Variants in CYP4F3 observed in about 807,000 individuals in gnomAD.
The protein encoded by CYP4F3 is cytochrome P450 4F3.
CYP4F3 carries 50 observed loss-of-function variants against 54.8 expected under a neutral mutation model. The ratio of observed to expected loss-of-function variants is 0.91; its 90% CI spans 0.73 to 1.16. CYP4F3 has a LOEUF of 1.16. Ranked by LOEUF, CYP4F3 falls within the 50% of genes most tolerant of loss-of-function variation. The pLI is 0.00. For synonymous variants in CYP4F3, 244 were observed against 262.6 expected, an observed-to-expected ratio of 0.93 and a Z score of 0.69; for missense variants, 715 against 676.2, an observed-to-expected ratio of 1.06 and a Z score of -0.64.
In CYP4F3 at chr19:15,647,342, A is replaced by T. The variant is rs1384932630; in HGVS notation, c.525+18A>T. On this transcript the variant is annotated intron_variant, in intron 5 of 12. Transcript: ENST00000221307. Reference sequence around the variant, plus strand: ...TCATGCATGTGAGTTATTTGAAGCCAAGGTCCCAGCTGCAGCCTTTGGTTG... The same window carrying T: ...TCATGCATGTGAGTTATTTGAAGCCTAGGTCCCAGCTGCAGCCTTTGGTTG... 3 of 1,614,012 alleles carry T rather than the reference A, an allele frequency of 1.9e-6. No homozygotes were observed. In the South Asian group the frequency reaches 3.3e-5, roughly 18 times the overall value.
chr19:15,658,729 C>G lies in CYP4F3; in HGVS notation c.1317C>G (p.Val439=). 1 of 1,614,118 alleles carries G rather than the reference C, an allele frequency of 6.2e-7. No individual in the cohort carries two copies. The highest frequency in any genetic ancestry group is 8.5e-7 in the Non-Finnish European group (1 of 1,180,014). ...ACCCTTCTTGGTCTCGCCTCCAGGT[C>G]TATGACCCCTTTCGCTTTGACCCAA... ...HNPAVWPDPE[V]YDPFRFDPKN... The change falls in exon 12 of 13, where the codon GTC becomes GTG. Residue 439 remains valine (V), a splice_region_variant and synonymous_variant. Transcript: ENST00000221307.
intron 1 of CYP4F3, among the ~76,000 whole-genome samples, 163 bp downstream of exon 1, chr19:15,641,108 G>T (rs1220842544): frequency 6.6e-6 from 1 of 152,146 alleles, no homozygotes; most frequent in African/African-American, 2.4e-5. Context: ...GAGGATGAGT[G>T]GTTTTCTAAC....
chr19:15,648,240 G>A (rs1363898961), intron 5 of CYP4F3, among the ~76,000 whole-genome samples: 1 of 152,068 alleles, frequency 6.6e-6, no homozygotes, highest in Admixed American at 6.5e-5. Context: ...TACTACTCAT[G>A]ACACAGAGAG....
chr19:15,656,297 TATATAC>T (rs1302860957), intron 9 of CYP4F3, among the ~76,000 whole-genome samples: 1 of 152,018 alleles, frequency 6.6e-6, no homozygotes, highest in African/African-American at 2.4e-5. Context: ...TATATATATA[TATATAC>T]ACCACATGGA....
Position 15,658,306 on chromosome 19 carries a change from G to C in CYP4F3, c.1158G>C (p.Lys386Asn). The change falls in exon 10 of 13, where the codon AAG becomes AAC. Residue 386 changes from lysine (K) to asparagine (N), a missense_variant. Lys to Asn is a moderately conservative substitution (Grantham distance 94). Coordinates refer to ENST00000221307, the MANE Select transcript of CYP4F3 (RefSeq NM_000896.3). ...TGCCCTTCCTGACCATGTGCATTAA[G>C]GAGAGCCTGAGGCTGCATCCCCCAG... is the stretch of plus-strand genomic sequence containing the variant. ...AQLPFLTMCI[K>N]ESLRLHPPVP... The C allele has an allele frequency of 1.2e-6, 2 of 1,614,164 alleles. No individual in the cohort carries two copies. The highest frequency in any genetic ancestry group is 8.5e-7 in the Non-Finnish European group (1 of 1,180,026).
rs146797714 is a variant in CYP4F3, at chr19:15,647,104, G to A, written c.396G>A (p.Leu132=). Residue 132 remains leucine, a splice_region_variant and synonymous_variant, in exon 4 of 13, where the codon CTG becomes CTA. Transcript: ENST00000221307. ...TCTACAGCTTCCTGAAGCCCTGGCT[G>A]GGTGAGTATCTGTAGGTGAACAGGG... The part of the protein sequence containing the change: ...KVFYSFLKPW[L]GDGLLLSAGE... 1.9e-6 allele frequency: 3 copies of A among 1,613,924 alleles called. No individual in the cohort carries two copies. In the East Asian group the frequency reaches 6.7e-5, roughly 36 times the overall value.
chr19:15,654,358 A>G (rs529202855), intron 9 of CYP4F3, among the ~76,000 whole-genome samples: 1 of 152,322 alleles, frequency 6.6e-6, no homozygotes, highest in East Asian at 1.9e-4. Context: ...CATTGCCTGA[A>G]ATATTTGTCT....
intron 1 of CYP4F3, chr19:15,641,214 G>C: frequency 3.3e-6 from 2 of 607,796 alleles, no homozygotes; most frequent in East Asian, 2.8e-5. Flanking sequence ...GTGCTTACCG[G>C]GTAACTGGAG....
At chr19:15,645,628 C>A in intron 2 of CYP4F3, 91 bp from the exon 3 acceptor site, 1 of 1,481,948 alleles carries the variant, frequency 6.7e-7, no homozygotes, top group Non-Finnish European at 9.1e-7. Flanking sequence ...GCTTGAAATT[C>A]TCAGGGAGAG....
At position 15,659,261 on chromosome 19, in the gene CYP4F3, T is replaced by A. The variant is rs1973126485; in HGVS notation, c.1439T>A (p.Val480Glu). Residue 480 changes from valine (V) to glutamate (E), a missense_variant, in exon 13 of 13, where the codon GTG (valine) becomes GAG (glutamate). Transcript: ENST00000221307. Reference sequence around the variant, plus strand: ...GCGTTCGCGATGGCGGAGATGAAGGTGGTCCTGGGGCTCACGCTGCTGCGC... The same window carrying A: ...GCGTTCGCGATGGCGGAGATGAAGGAGGTCCTGGGGCTCACGCTGCTGCGC... ...GQAFAMAEMK[V>E]VLGLTLLRFR... 6.2e-7 allele frequency: 1 copy of A among 1,612,684 alleles called. No individual in the cohort carries two copies. The highest frequency in any genetic ancestry group is 8.5e-7 in the Non-Finnish European group (1 of 1,179,774).
At chr19:15,646,423 T>C (rs1972626944) in intron 3 of CYP4F3, among the ~76,000 whole-genome samples, 1 of 152,138 alleles carries the variant, frequency 6.6e-6, no homozygotes, top group African/African-American at 2.4e-5. Context: ...TTGTAGTATG[T>C]TTGGGTCATA....
intron 9 of CYP4F3, among the ~76,000 whole-genome samples, chr19:15,654,734 C>G (rs1330321843): frequency 3.3e-5 from 5 of 152,236 alleles, no homozygotes; most frequent in Admixed American, 3.3e-4. Context: ...ATACACACTA[C>G]ATTTTCTTTA....
At chr19:15,654,332 G>A (rs890444870) in intron 9 of CYP4F3, among the ~76,000 whole-genome samples, 2 of 152,104 alleles carry the variant, frequency 1.3e-5, no homozygotes, top group South Asian at 4.2e-4. Context: ...GATCAAATCA[G>A]TGTACTTGGG....
chr19:15,649,077 G>C, intron 5 of CYP4F3, 83 bp from the exon 6 acceptor site: 1 of 1,585,158 alleles, frequency 6.3e-7, no homozygotes, highest in South Asian at 1.1e-5. Flanking sequence ...CTTATTCTGG[G>C]GCGTGCATAT....
In CYP4F3 at chr19:15,659,117, A is replaced by G. The variant is rs562694784; in HGVS notation, c.1398-103A>G. 7.1e-6 allele frequency: 10 copies of G among 1,411,866 alleles called. No individual in the cohort carries two copies. The African/African-American group carries it at 1.5e-4, about 20-fold the overall frequency. The allele number at this position is 1,411,866 out of a possible 1,614,324, so 87.5% of individuals were successfully genotyped here. A position where few individuals can be genotyped will look rare whatever the true frequency, so the allele number is the denominator to read the frequency against. The stretch of plus-strand genomic sequence containing the variant: ...CGGATACCCCCTTCTCTGTTCCTCA[A>G]ACTGCTCTAGGTGGGGTTGGGTGTC... On this transcript the variant is annotated intron_variant, in intron 12 of 12. Transcript: ENST00000221307.
Position 15,659,131 on chromosome 19 carries a change from G to C in CYP4F3, c.1398-89G>C, listed in dbSNP as rs1403834773. On this transcript the variant is annotated intron_variant, in intron 12 of 12. Transcript: ENST00000221307. ...TCTGTTCCTCAAACTGCTCTAGGTG[G>C]GGTTGGGTGTCCCAGGCCAGGTTAC... is the stretch of plus-strand genomic sequence containing the variant. 16 of 1,389,214 alleles carry C rather than the reference G, an allele frequency of 1.2e-5. No homozygotes were observed. The South Asian group carries it at 2.0e-4, about 17-fold the overall frequency. 86.1% of individuals were successfully genotyped at this position (1,389,214 alleles called of 1,614,324 possible).
rs759836216 is a variant in CYP4F3 at position 15,649,241 on chromosome 19, C to G, written c.607C>G (p.Leu203Val). The change falls in exon 6 of 13, where the codon CTG becomes GTG. Residue 203 changes from leucine to valine, a missense_variant. Transcript: ENST00000221307. ...CATCAGCCTCATGACCTTGGACAGT[C>G]TGCAGAAATGTGTCTTCAGCTTTGA... ...EHISLMTLDS[L>V]QKCVFSFDSH... The G allele has an allele frequency of 6.2e-7, 1 of 1,613,398 alleles. No individual in the cohort carries two copies. Among genetic ancestry groups the G allele is most frequent in the East Asian group, 2.2e-5 (1 of 44,820 alleles).
intron 3 of CYP4F3, 106 bp downstream of exon 3, chr19:15,645,969 C>T: frequency 2.1e-6 from 3 of 1,399,756 alleles, no homozygotes; most frequent in Non-Finnish European, 2.8e-6. Context: ...CATGTGCAGA[C>T]AGGAGGGGCT....
intron 7 of CYP4F3, 42 bp downstream of exon 7, chr19:15,650,225 C>T (rs372983050): frequency 2.5e-6 from 4 of 1,614,076 alleles, no homozygotes; most frequent in East Asian, 2.2e-5. Flanking sequence ...TAGAAGGGAG[C>T]TTCATGTGAA....
Sources: allele counts gnomAD v4.1 joint callset (sites outside exome capture counted in the v4.1 genomes callset), GRCh38; gene constraint gnomAD v4.1.1; transcripts MANE v1.5; gene names NCBI Gene and HGNC (gene_info 2026-07-23, HGNC 2026-07-21).